Variants in RBMS1 observed in about 807,000 individuals in gnomAD.
The protein encoded by RBMS1 is RNA binding motif single stranded interacting protein 1.
RBMS1 carries 17 observed loss-of-function variants against 62.3 expected under a neutral mutation model. That is an observed-to-expected ratio of 0.27 (90% confidence interval 0.19 to 0.41). RBMS1 has a LOEUF of 0.41. Ranked by LOEUF, RBMS1 falls within the 10% of genes least tolerant of loss-of-function variation. RBMS1 has a pLI of 1.00. For synonymous variants in RBMS1, 172 were observed against 170.0 expected (o/e 1.01, Z -0.09); for missense variants, 334 against 504.5 (o/e 0.66, Z 3.24).
intron 1 of RBMS1, among the ~76,000 whole-genome samples, chr2:160,412,303 A>G (rs1281467917): frequency 6.6e-6 from 1 of 152,240 alleles, no homozygotes; most frequent in Non-Finnish European, 1.5e-5. Context: ...TTTAAAATGA[A>G]AGTTTCATTT....
At chr2:160,460,942 A>C (rs1684434849) in intron 1 of RBMS1, among the ~76,000 whole-genome samples, 1 of 152,196 alleles carries the variant, frequency 6.6e-6, no homozygotes, top group Admixed American at 6.5e-5. Flanking sequence ...ATGAGCAATA[A>C]AACTTAATAT....
intron 4 of RBMS1, among the ~76,000 whole-genome samples, chr2:160,311,409 A>C (rs894034834): frequency 6.6e-6 from 1 of 151,774 alleles, no homozygotes; most frequent in African/African-American, 2.4e-5. Context: ...TGATTCTTTC[A>C]TTCAAAGTAC....
At chr2:160,363,422 G>A (rs1320842983) in intron 2 of RBMS1, among the ~76,000 whole-genome samples, 1 of 152,128 alleles carries the variant, frequency 6.6e-6, no homozygotes, top group Non-Finnish European at 1.5e-5. Context: ...AAGCACAAAG[G>A]AGGCAAACAG....
At chr2:160,327,487 A>G (rs913779579) in intron 2 of RBMS1, among the ~76,000 whole-genome samples, 5 of 152,204 alleles carry the variant, frequency 3.3e-5, no homozygotes, top group Non-Finnish European at 7.3e-5. Context: ...AAAAGAGCAT[A>G]TTATAAAGCA....
At chr2:160,389,963 A>G (rs1694774061) in intron 1 of RBMS1, among the ~76,000 whole-genome samples, 1 of 152,166 alleles carries the variant, frequency 6.6e-6, no homozygotes, top group South Asian at 2.1e-4. Context: ...AAGACTCAAG[A>G]AACTTAAGTT....
chr2:160,419,924 G>C (rs1696355655), intron 1 of RBMS1, among the ~76,000 whole-genome samples: 1 of 152,180 alleles, frequency 6.6e-6, no homozygotes, highest in Admixed American at 6.5e-5. Flanking sequence ...CAAATAGGAG[G>C]CTGCTAATTT....
intron 2 of RBMS1, among the ~76,000 whole-genome samples, chr2:160,325,262 G>A (rs757006194): frequency 6.6e-6 from 1 of 152,114 alleles, no homozygotes; most frequent in Non-Finnish European, 1.5e-5. Context: ...GACAGATGCT[G>A]ATGACATTCA....
chr2:160,352,170 G>A (rs1692552641), intron 2 of RBMS1, among the ~76,000 whole-genome samples: 1 of 152,104 alleles, frequency 6.6e-6, no homozygotes, highest in Admixed American at 6.6e-5. Flanking sequence ...GGGCTTAAGA[G>A]AAGTTCTGTT....
intron 1 of RBMS1, among the ~76,000 whole-genome samples, chr2:160,376,352 T>A (rs897239694): frequency 6.6e-6 from 1 of 152,200 alleles, no homozygotes; most frequent in Admixed American, 6.5e-5. Context: ...AAAAGCATTA[T>A]CTGTACTTAC....
chr2:160,373,806 TA>T (rs1399792500), intron 1 of RBMS1, among the ~76,000 whole-genome samples: 1 of 152,174 alleles, frequency 6.6e-6, no homozygotes, highest in Non-Finnish European at 1.5e-5. Context: ...TTCCCAGCCT[TA>T]GCTACCCTTA....
At chr2:160,454,542 T>C (rs577136998) in intron 1 of RBMS1, among the ~76,000 whole-genome samples, 2 of 152,200 alleles carry the variant, frequency 1.3e-5, no homozygotes, top group East Asian at 1.9e-4. Flanking sequence ...GAATTAACCA[T>C]GTAAAGAATG....
intron 2 of RBMS1, among the ~76,000 whole-genome samples, chr2:160,329,849 G>A (rs990664008): frequency 2.0e-5 from 3 of 151,802 alleles, no homozygotes; most frequent in Non-Finnish European, 4.4e-5. Flanking sequence ...TAATAGGAGA[G>A]CTGTTGATAG....
intron 2 of RBMS1, among the ~76,000 whole-genome samples, chr2:160,339,652 C>T (rs1175840908): frequency 6.6e-6 from 1 of 152,026 alleles, no homozygotes; most frequent in Non-Finnish European, 1.5e-5. Context: ...TATATCTTCC[C>T]CATACTGACA....
intron 1 of RBMS1, among the ~76,000 whole-genome samples, chr2:160,441,552 C>T (rs1438283555): frequency 3.9e-5 from 6 of 152,164 alleles, no homozygotes; most frequent in Non-Finnish European, 7.3e-5. Context: ...GGCAAGACTG[C>T]ATCTCTATAA....
chr2:160,410,275 T>C (rs1325519102), intron 1 of RBMS1, among the ~76,000 whole-genome samples: 1 of 138,376 alleles, frequency 7.2e-6, no homozygotes, highest in Non-Finnish European at 1.6e-5. Flanking sequence ...TAGAGAAGGA[T>C]ATCTAAAAGC....
chr2:160,483,861 A>C (rs1685471725), intron 1 of RBMS1, among the ~76,000 whole-genome samples: 1 of 152,210 alleles, frequency 6.6e-6, no homozygotes, highest in African/African-American at 2.4e-5. Context: ...TCTGCAGGAC[A>C]CTGGCTTTTG....
intron 1 of RBMS1, among the ~76,000 whole-genome samples, chr2:160,439,047 C>T (rs1335756696): frequency 1.4e-5 from 2 of 140,836 alleles, no homozygotes; most frequent in African/African-American, 5.4e-5. Flanking sequence ...CTGGACGGGG[C>T]AGCTGGCCGA....
At chr2:160,448,368 C>A (rs533815186) in intron 1 of RBMS1, among the ~76,000 whole-genome samples, 1 of 151,968 alleles carries the variant, frequency 6.6e-6, no homozygotes, top group South Asian at 2.1e-4. Flanking sequence ...TGTACTGCCG[C>A]CATCTCGGCT....
intron 1 of RBMS1, among the ~76,000 whole-genome samples, chr2:160,435,214 C>A (rs567140805): frequency 6.6e-6 from 1 of 152,262 alleles, no homozygotes; most frequent in African/African-American, 2.4e-5. Context: ...GACCATGAGC[C>A]CCTTATGGGG....
Sources: gnomAD v4.1 joint callset for allele counts (sites outside exome capture counted in the v4.1 genomes callset) on GRCh38, gnomAD v4.1.1 for gene constraint, MANE v1.5 for transcripts, NCBI Gene and HGNC (gene_info 2026-07-23, HGNC 2026-07-21) for gene names.